Variants in NRXN1 observed in about 807,000 individuals in gnomAD.
NRXN1 encodes neurexin 1, also known as neurexin-1.
Under a neutral mutation model 150.9 loss-of-function variants are expected in NRXN1, and 39 were observed. The ratio of observed to expected loss-of-function variants is 0.26; its 90% CI spans 0.20 to 0.34. The LOEUF (loss-of-function observed/expected upper bound fraction) is 0.34. Among genes scored for constraint, NRXN1 ranks in the 10% least tolerant of loss-of-function variants. The pLI is 1.00. For synonymous variants in NRXN1, 924 were observed against 757.0 expected, an observed-to-expected ratio of 1.22 and a Z score of -3.62; for missense variants, 1,815 against 1,949.9, an observed-to-expected ratio of 0.93 and a Z score of 1.30.
intron 5 of NRXN1, among the ~76,000 whole-genome samples, chr2:50,822,928 T>C (rs1669939580): frequency 6.6e-6 from 1 of 152,196 alleles, no homozygotes; most frequent in African/African-American, 2.4e-5. Flanking sequence ...TGATTGAATC[T>C]CTGACTGATT....
At chr2:51,008,435 A>G (rs1036141817) in intron 2 of NRXN1, among the ~76,000 whole-genome samples, 1 of 151,870 alleles carries the variant, frequency 6.6e-6, no homozygotes, top group African/African-American at 2.4e-5. Flanking sequence ...AGATTTTTCC[A>G]GGAATTTGTT....
At chr2:50,279,126 G>C (rs2152930675) in intron 17 of NRXN1, among the ~76,000 whole-genome samples, 1 of 152,162 alleles carries the variant, frequency 6.6e-6, no homozygotes. Flanking sequence ...CAAATCATTG[G>C]CCTGTACAAA....
At chr2:50,329,772 C>T (rs2076713345) in intron 17 of NRXN1, among the ~76,000 whole-genome samples, 1 of 147,770 alleles carries the variant, frequency 6.8e-6, no homozygotes, top group Admixed American at 6.8e-5. Context: ...CTCCCAGGTT[C>T]GAATGATTCT....
At chr2:50,841,994 C>T (rs1672948388) in intron 5 of NRXN1, among the ~76,000 whole-genome samples, 1 of 152,158 alleles carries the variant, frequency 6.6e-6, no homozygotes, top group South Asian at 2.1e-4. Flanking sequence ...TGCAAAGTGT[C>T]TTTCATTTTG....
chr2:50,927,468 G>C (rs1264553190), intron 2 of NRXN1, among the ~76,000 whole-genome samples: 2 of 151,904 alleles, frequency 1.3e-5, no homozygotes, highest in Non-Finnish European at 2.9e-5. Context: ...TTGACTTCTA[G>C]TTTGTTTTTG....
intron 5 of NRXN1, among the ~76,000 whole-genome samples, chr2:50,796,616 C>T (rs1706868532): frequency 6.6e-6 from 1 of 152,156 alleles, no homozygotes; most frequent in South Asian, 2.1e-4. Context: ...AATGGAGTAA[C>T]AGCAGAACTC....
intron 8 of NRXN1, among the ~76,000 whole-genome samples, chr2:50,583,925 C>T (rs1672679242): frequency 6.6e-6 from 1 of 152,172 alleles, no homozygotes; most frequent in Non-Finnish European, 1.5e-5. Flanking sequence ...CTATTCCTCA[C>T]CTTGACCCCA....
chr2:50,529,321 C>G (rs186091207), intron 11 of NRXN1, among the ~76,000 whole-genome samples: 1 of 152,264 alleles, frequency 6.6e-6, no homozygotes, highest in East Asian at 1.9e-4. Context: ...GGCACACAAG[C>G]CTATGCCTCT....
intron 19 of NRXN1, among the ~76,000 whole-genome samples, chr2:50,077,669 A>C (rs544198538): frequency 7.4e-4 from 112 of 152,278 alleles, no homozygotes; most frequent in Admixed American, 2.2e-3. Context: ...ACTATCAAGA[A>C]AAATGAAACC....
At chr2:50,449,893 G>A (rs1358261156) in intron 17 of NRXN1, among the ~76,000 whole-genome samples, 3 of 152,086 alleles carry the variant, frequency 2.0e-5, no homozygotes, top group African/African-American at 7.2e-5. Context: ...AACCCTGCAA[G>A]ATCTGTAATT....
rs533799399 is a variant in NRXN1, at chr2:49,919,315, T to A, written c.*2629A>T. On this transcript the variant is annotated 3_prime_UTR_variant, in exon 23 of 23. Transcript: ENST00000401669. ...CTTTTTCCATTGAGGAAAAAATAAT[T>A]TTTGCTAGAGTTTGTGTAAGCCAAT... The A allele has an allele frequency of 6.6e-6, 1 of 152,210 alleles. No individual in the cohort carries two copies. Among genetic ancestry groups the A allele is most frequent in the Admixed American group, 6.5e-5 (1 of 15,270 alleles). The allele number at this position is 152,210 out of a possible 1,614,324, so 9.4% of individuals were successfully genotyped here.
At chr2:50,429,744 C>T (rs2084797735) in intron 17 of NRXN1, among the ~76,000 whole-genome samples, 1 of 151,946 alleles carries the variant, frequency 6.6e-6, no homozygotes, top group African/African-American at 2.4e-5. Context: ...GAGCATCAGC[C>T]TTCAAAAAGG....
chr2:50,490,902 A>G (rs558604568), intron 15 of NRXN1, among the ~76,000 whole-genome samples: 62 of 152,262 alleles, frequency 4.1e-4, no homozygotes, highest in African/African-American at 1.5e-3. Flanking sequence ...TCCTTAAAAT[A>G]ATCTACAAAT....
intron 5 of NRXN1, among the ~76,000 whole-genome samples, chr2:50,805,338 T>C (rs776986312): frequency 6.6e-6 from 1 of 152,124 alleles, no homozygotes; most frequent in African/African-American, 2.4e-5. Context: ...GTCAAGTCAT[T>C]TAAGATGCTC....
chr2:50,654,283 GT>G (rs36158351), intron 5 of NRXN1, among the ~76,000 whole-genome samples: 40,268 of 138,904 alleles, frequency 0.29, 7,036 homozygotes, highest in Non-Finnish European at 0.39. Context: ...GTGGTGTTTG[GT>G]TTTTTTGTCC....
intron 5 of NRXN1, among the ~76,000 whole-genome samples, chr2:50,782,094 G>T (rs2352078): frequency 0.078 from 11,874 of 151,622 alleles, 615 homozygotes; most frequent in Non-Finnish European, 0.11. Context: ...GAATGACAGG[G>T]TAGATGCTAA....
At chr2:50,698,874 G>C (rs1485938827) in intron 5 of NRXN1, among the ~76,000 whole-genome samples, 2 of 152,078 alleles carry the variant, frequency 1.3e-5, no homozygotes, top group East Asian at 3.9e-4. Flanking sequence ...CTCCATGTTT[G>C]AAGTACACTT....
At chr2:50,600,192 T>C (rs1474558423) in intron 8 of NRXN1, among the ~76,000 whole-genome samples, 1 of 152,060 alleles carries the variant, frequency 6.6e-6, no homozygotes, top group Non-Finnish European at 1.5e-5. Flanking sequence ...ATTTCTTAAT[T>C]AGAGTTCTAT....
intron 2 of NRXN1, among the ~76,000 whole-genome samples, chr2:50,941,283 C>T (rs956242844): frequency 6.6e-6 from 1 of 152,064 alleles, no homozygotes; most frequent in African/African-American, 2.4e-5. Context: ...CAGACTAATA[C>T]AGAAAATTGG....
Sources: gnomAD v4.1 joint callset for allele counts (sites outside exome capture counted in the v4.1 genomes callset) on GRCh38, gnomAD v4.1.1 for gene constraint, MANE v1.5 for transcripts, NCBI Gene and HGNC (gene_info 2026-07-23, HGNC 2026-07-21) for gene names.